Variants in IGSF8 observed in about 807,000 individuals in gnomAD.
IGSF8 encodes CD81 partner 3.
IGSF8 carries 46 observed loss-of-function variants against 55.5 expected under a neutral mutation model. That is an observed-to-expected ratio of 0.83 (90% CI 0.65 to 1.06). The LOEUF (loss-of-function observed/expected upper bound fraction) is 1.06, where lower values mean the gene tolerates loss of function less well. Among genes scored for constraint, IGSF8 ranks in the 50% least tolerant of loss-of-function variants. The pLI is 0.00. For missense variants in IGSF8, 731 were observed against 832.3 expected (o/e 0.88, Z 1.50); for synonymous variants, 314 against 356.1 (o/e 0.88, Z 1.33).
rs751653178 is a variant in IGSF8 at position 160,095,006 on chromosome 1, A to G, written c.305T>C (p.Val102Ala). The G allele has an allele frequency of 6.2e-7, 1 of 1,614,082 alleles. No homozygotes were observed. The highest frequency in any genetic ancestry group is 8.5e-7 in the Non-Finnish European group (1 of 1,180,028). Residue 102 changes from valine to alanine, a missense_variant, in exon 2 of 7, where the codon GTG (valine) becomes GCG (alanine). Coordinates refer to ENST00000314485, the MANE Select transcript of IGSF8 (RefSeq NM_052868.6). ...KSRVVAGEVQ[V>A]QRLQGDAVVL... ...CACGGCATCACCTTGTAGGCGCTGCACCTGCACCTCACCCGCCACCACTCG... is the reference window on the plus strand; with the variant it reads ...CACGGCATCACCTTGTAGGCGCTGCGCCTGCACCTCACCCGCCACCACTCG...
At chr1:160,099,349 C>A (rs151040999), upstream of IGSF8, among the ~76,000 whole-genome samples, 1 of 152,152 alleles carries the variant, frequency 6.6e-6, no homozygotes, top group Non-Finnish European at 1.5e-5. Flanking sequence ...TAGGGGTTGG[C>A]GGAAGCCAGG....
At position 160,092,678 on chromosome 1, in the gene IGSF8, C is replaced by T. The variant is rs758626155; in HGVS notation, c.1330G>A (p.Val444Met). 6.2e-7 allele frequency: 1 copy of T among 1,600,086 alleles called. No individual in the cohort carries two copies. The highest frequency in any genetic ancestry group is 8.5e-7 in the Non-Finnish European group (1 of 1,179,916). ...ACTGTGCCTCCTGCTAGCCATGCCA[C>T]AGCCTCCAGCACCACACCTGCAGAA... ...VREEGVVLEA[V>M]AWLAGGTVYR... The change falls in exon 5 of 7, where the codon GTG becomes ATG. Residue 444 changes from valine to methionine, a missense_variant. Physicochemically the swap from Val to Met is conservative, Grantham distance 21 (BLOSUM62 1). Transcript: ENST00000314485.
rs1286923260 is a variant in IGSF8 at position 160,093,917 on chromosome 1, G to A, written c.697C>T (p.Pro233Ser). Residue 233 changes from proline to serine, a missense_variant, in exon 3 of 7, where the codon CCC becomes TCC. Coordinates refer to ENST00000314485, the MANE Select transcript of IGSF8 (RefSeq NM_052868.6). ...RSDLAVEAGA[P>S]YAERLAAGEL... ...CCTGCAGCCAATCGCTCAGCATAGG[G>A]AGCTCCAGCCTCCACGGCCAAGTCT... 6.2e-7 allele frequency: 1 copy of A among 1,614,242 alleles called. No individual in the cohort carries two copies. The highest frequency in any genetic ancestry group is 1.1e-5 in the South Asian group (1 of 91,088).
rs1264082150 is a variant in IGSF8, at chr1:160,094,326, G to A, written c.443-155C>T. Reference sequence around the variant, plus strand: ...CTTCTGTAACTCAGTGGTGCCAAGGGCAGTACTGGGCACAGCACAGGCGCT... The same window carrying A: ...CTTCTGTAACTCAGTGGTGCCAAGGACAGTACTGGGCACAGCACAGGCGCT... On this transcript the variant is annotated intron_variant, in intron 2 of 6. Coordinates refer to ENST00000314485, the MANE Select transcript of IGSF8 (RefSeq NM_052868.6). This position sits in a 1 kb window ranked among gnomAD's most constrained non-coding sequence, Gnocchi z 4.0. Among the ~76,000 whole-genome samples, 1 of 152,228 alleles carries A rather than the reference G, an allele frequency of 6.6e-6. No homozygotes were observed. Among genetic ancestry groups the A allele is most frequent in the Non-Finnish European group, 1.5e-5 (1 of 68,040 alleles).
rs1156925050 is a variant in IGSF8 at position 160,093,050 on chromosome 1, C to T, written c.1186G>A (p.Ala396Thr). The T allele has an allele frequency of 1.9e-6, 3 of 1,614,058 alleles. No homozygotes were observed. The highest frequency in any genetic ancestry group is 3.3e-5 in the Admixed American group (2 of 60,024). Residue 396 changes from alanine to threonine, a missense_variant, in exon 4 of 7, where the codon GCC becomes ACC. Transcript: ENST00000314485. ...TAGGTGCCCGCATCACCAGGCCTGG[C>T]AGCCTCTAGCCGTAGCCGGTATGTT... ...SRTYRLRLEAARPGDAGTYRC... is the reference protein window; with the variant it reads ...SRTYRLRLEATRPGDAGTYRC...
chr1:160,095,613 C>G (rs1284446466), intron 1 of IGSF8, among the ~76,000 whole-genome samples: 1 of 152,254 alleles, frequency 6.6e-6, no homozygotes, highest in Non-Finnish European at 1.5e-5. Flanking sequence ...GCCATTCCTT[C>G]CTCAGCACCT....
Position 160,092,669 on chromosome 1 carries a change from GC to G in IGSF8, c.1338del (p.Trp446CysfsTer2), listed in dbSNP as rs767883500. On this transcript the variant is annotated frameshift_variant, in exon 5 of 7. Transcript: ENST00000314485. LOFTEE classifies it high-confidence loss of function. The stretch of plus-strand genomic sequence containing the variant: ...CCGCGGTACACTGTGCCTCCTGCTA[GC>G]CATGCCACAGCCTCCAGCACCACAC... ...EEGVVLEAVAWLAGGTVYRGE... is the reference protein window; with the variant it reads ...EEGVVLEAVAXLAGGTVYRGE... The G allele has an allele frequency of 1.9e-6, 3 of 1,600,460 alleles. No homozygotes were observed. The highest frequency in any genetic ancestry group is 4.5e-5 in the East Asian group (2 of 44,888).
In IGSF8 at chr1:160,095,209, C is replaced by A. The variant is rs1650346161; in HGVS notation, c.102G>T (p.Glu34Asp). 1 of 1,606,978 alleles carries A rather than the reference C, an allele frequency of 6.2e-7. No homozygotes were observed. The highest frequency in any genetic ancestry group is 1.7e-5 in the Admixed American group (1 of 60,002). The stretch of plus-strand genomic sequence containing the variant: ...TGCCAGCCACGCGGTACAAGGGCCC[C>A]TCGGGGACCAGCACCTCCCGGGCCC... The part of the protein sequence containing the change: ...GCWAREVLVP[E>D]GPLYRVAGTA... The change falls in exon 2 of 7, where the codon GAG (glutamate) becomes GAT (aspartate). Residue 34 changes from glutamate (E) to aspartate (D), a missense_variant. Physicochemically the swap from Glu to Asp is conservative, Grantham distance 45. Coordinates refer to ENST00000314485, the MANE Select transcript of IGSF8 (RefSeq NM_052868.6).
At position 160,092,654 on chromosome 1, in the gene IGSF8, C is replaced by G; in HGVS notation, c.1354G>C (p.Val452Leu). The change falls in exon 5 of 7, where the codon GTG becomes CTG. Residue 452 changes from valine to leucine, a missense_variant. Physicochemically the swap from Val to Leu is conservative, Grantham distance 32. Transcript: ENST00000314485. ...AGGGAGGCAGTCTCCCCGCGGTACACTGTGCCTCCTGCTAGCCATGCCACA... is the reference window on the plus strand; with the variant it reads ...AGGGAGGCAGTCTCCCCGCGGTACAGTGTGCCTCCTGCTAGCCATGCCACA... ...EAVAWLAGGT[V>L]YRGETASLLC... 1 of 1,601,028 alleles carries G rather than the reference C, an allele frequency of 6.2e-7. No individual in the cohort carries two copies. The highest frequency in any genetic ancestry group is 8.5e-7 in the Non-Finnish European group (1 of 1,179,926).
In IGSF8 at chr1:160,098,503, G is replaced by T; in HGVS notation, c.-31C>A. The stretch of plus-strand genomic sequence containing the variant: ...GCGGCCAGCTCTGGGGAGGCTCCGG[G>T]GGATGGCGCGGGTTCTGGGGGGCCG... On this transcript the variant is annotated 5_prime_UTR_variant, in exon 1 of 7. Transcript: ENST00000314485. 6.6e-7 allele frequency: 1 copy of T among 1,508,730 alleles called. No homozygotes were observed. The highest frequency in any genetic ancestry group is 8.9e-7 in the Non-Finnish European group (1 of 1,126,780). 93.5% of individuals were successfully genotyped at this position (1,508,730 alleles called of 1,614,324 possible).
intron 4 of IGSF8, 103 bp from the exon 5 acceptor site, chr1:160,092,798 T>A (rs1650079175): frequency 6.6e-7 from 1 of 1,504,496 alleles, no homozygotes; most frequent in Admixed American, 1.8e-5. Context: ...ATTCCCACAA[T>A]CTTGGTAGAA....
At position 160,093,332 on chromosome 1, in the gene IGSF8, C is replaced by A; in HGVS notation, c.905-1G>T. 1 of 1,579,264 alleles carries A rather than the reference C, an allele frequency of 6.3e-7. No homozygotes were observed. The highest frequency in any genetic ancestry group is 8.7e-7 in the Non-Finnish European group (1 of 1,155,094). On this transcript the variant is annotated splice_acceptor_variant, in intron 3 of 6. Coordinates refer to ENST00000314485, the MANE Select transcript of IGSF8 (RefSeq NM_052868.6). LOFTEE classifies it high-confidence loss of function. Reference sequence around the variant, plus strand: ...CCCACTGTCACTGCCAGCTGGCTGGCTGAAACACAGGTAGGGGAAGAGGTG... The same window carrying A: ...CCCACTGTCACTGCCAGCTGGCTGGATGAAACACAGGTAGGGGAAGAGGTG...
At chr1:160,096,195 T>C (rs1018292301) in intron 1 of IGSF8, among the ~76,000 whole-genome samples, 1 of 151,796 alleles carries the variant, frequency 6.6e-6, no homozygotes, top group Non-Finnish European at 1.5e-5. Context: ...AGGGCTTAGC[T>C]CCTCCCTTCT....
At position 160,098,441 on chromosome 1, in the gene IGSF8, G is replaced by A; in HGVS notation, c.32C>T (p.Pro11Leu). ...TAGCAGCAGCAGCAGCGGCAGCGAAGGCGGCAGCAGCGTGGGCCTGAGGGC... is the reference window on the plus strand; with the variant it reads ...TAGCAGCAGCAGCAGCGGCAGCGAAAGCGGCAGCAGCGTGGGCCTGAGGGC... MGALRPTLLPPSLPLLLLLML... is the reference protein window; with the variant it reads MGALRPTLLPLSLPLLLLLML... The change falls in exon 1 of 7, where the codon CCT (proline) becomes CTT (leucine). Residue 11 changes from proline to leucine, a missense_variant. Pro to Leu is a moderately conservative substitution (Grantham distance 98). Coordinates refer to ENST00000314485, the MANE Select transcript of IGSF8 (RefSeq NM_052868.6). The A allele has an allele frequency of 1.3e-6, 2 of 1,547,098 alleles. No homozygotes were observed. The highest frequency in any genetic ancestry group is 1.7e-6 in the Non-Finnish European group (2 of 1,145,770).
rs1292249003 is a variant in IGSF8, at chr1:160,095,144, C to T, written c.167G>A (p.Gly56Asp). Residue 56 changes from glycine to aspartate, a missense_variant, in exon 2 of 7, where the codon GGC (glycine) becomes GAC (aspartate). By Grantham distance (94) the Gly-to-Asp change is moderately conservative. Transcript: ENST00000314485. ...CCACTCGAAGTTCTGCTGGGCAGGGCCCTCATAGCCGGTCACATTGCAGGA... is the reference window on the plus strand; with the variant it reads ...CCACTCGAAGTTCTGCTGGGCAGGGTCCTCATAGCCGGTCACATTGCAGGA... ...SISCNVTGYE[G>D]PAQQNFEWFL... 3.7e-6 allele frequency: 6 copies of T among 1,613,736 alleles called. No individual in the cohort carries two copies. Among genetic ancestry groups the T allele is most frequent in the Non-Finnish European group, 5.1e-6 (6 of 1,180,034 alleles).
At position 160,093,341 on chromosome 1, in the gene IGSF8, AG is replaced by A. The variant is rs1570956705; in HGVS notation, c.905-11del. The A allele has an allele frequency of 4.5e-6, 7 of 1,571,450 alleles. No individual in the cohort carries two copies. The highest frequency in any genetic ancestry group is 5.2e-6 in the Non-Finnish European group (6 of 1,151,424). On this transcript the variant is annotated splice_polypyrimidine_tract_variant and intron_variant, in intron 3 of 6. Transcript: ENST00000314485. ...ACTGCCAGCTGGCTGGCTGAAACAC[AG>A]GTAGGGGAAGAGGTGTCATGGAGGC... is the stretch of plus-strand genomic sequence containing the variant.
chr1:160,093,695 A>G lies in IGSF8; in HGVS notation c.904+15T>C, dbSNP rs200073866. 298 of 1,575,176 alleles carry G rather than the reference A, an allele frequency of 1.9e-4. No individual in the cohort carries two copies. The African/African-American group carries it at 3.1e-3, about 16-fold the overall frequency. ...CCTCCCAGCTCCCACAGTGGGATGT[A>G]TAAGTGGCACTTACACAGCGTCTGC... On this transcript the variant is annotated intron_variant, in intron 3 of 6. Coordinates refer to ENST00000314485, the MANE Select transcript of IGSF8 (RefSeq NM_052868.6).
chr1:160,092,284 T>C lies in IGSF8; in HGVS notation c.1724A>G (p.His575Arg). 1.9e-6 allele frequency: 3 copies of C among 1,613,752 alleles called. No individual in the cohort carries two copies. Among genetic ancestry groups the C allele is most frequent in the East Asian group, 2.2e-5 (1 of 44,866 alleles). ...AGGGTGGAGGGGGTGTCACTCACCA[T>C]GCATGTAGGGGTAGACTGTAACAGG... ...SGPVTVYPYM[H>R]ALDTLFVPLL... Residue 575 changes from histidine to arginine, a missense_variant and splice_region_variant, in exon 5 of 7, where the codon CAT becomes CGT. Coordinates refer to ENST00000314485, the MANE Select transcript of IGSF8 (RefSeq NM_052868.6).
rs780656051 is a variant in IGSF8, at chr1:160,092,320, G to C, written c.1688C>G (p.Ala563Gly). The change falls in exon 5 of 7, where the codon GCC becomes GGC. Residue 563 changes from alanine (A) to glycine (G), a missense_variant. Coordinates refer to ENST00000314485, the MANE Select transcript of IGSF8 (RefSeq NM_052868.6). ...GTAGACTGTAACAGGCCCTGAGCGG[G>C]CACTGCCCGCCTGGTACCAGCTGTA... is the stretch of plus-strand genomic sequence containing the variant. ...ADYSWYQAGS[A>G]RSGPVTVYPY... 9.3e-6 allele frequency: 15 copies of C among 1,614,126 alleles called. No individual in the cohort carries two copies. Among genetic ancestry groups the C allele is most frequent in the Non-Finnish European group, 1.3e-5 (15 of 1,179,966 alleles).
Sources: gnomAD v4.1 joint callset for allele counts (sites outside exome capture counted in the v4.1 genomes callset) on GRCh38, gnomAD v4.1.1 for gene constraint, Gnocchi (gnomAD v3.1) non-coding constraint, MANE v1.5 for transcripts, NCBI Gene and HGNC (gene_info 2026-07-23, HGNC 2026-07-21) for gene names.